COL5A2: variants seen among roughly 807,000 people sequenced by gnomAD.
COL5A2 encodes collagen alpha-2(V) chain.
COL5A2 carries 23 observed loss-of-function variants against 208.2 expected under a neutral mutation model. The ratio of observed to expected loss-of-function variants is 0.11; its 90% CI spans 0.08 to 0.16. COL5A2 has a LOEUF of 0.16. Ranked by LOEUF, COL5A2 falls within the 10% of genes least tolerant of loss-of-function variation. The pLI is 1.00. For synonymous variants in COL5A2, 625 were observed against 628.5 expected (o/e 0.99, Z 0.08); for missense variants, 1,590 against 1,956.4 (o/e 0.81, Z 3.53).
intron 32 of COL5A2, 46 bp downstream of exon 32, chr2:189,058,803 G>A (rs757543541): frequency 1.3e-6 from 2 of 1,560,712 alleles, no homozygotes; most frequent in African/African-American, 1.4e-5. Flanking sequence ...TTTTAAAACT[G>A]AAGCCAGTGG....
chr2:189,301,557 C>T, the COL5A2 span, among the ~76,000 whole-genome samples: 1 of 151,926 alleles, frequency 6.6e-6, no homozygotes, highest in African/African-American at 2.4e-5. Flanking sequence ...GATTGTTTGC[C>T]CAAATTTTAT....
chr2:189,400,193 T>C, the COL5A2 span, among the ~76,000 whole-genome samples: 3 of 152,228 alleles, frequency 2.0e-5, no homozygotes, highest in Non-Finnish European at 4.4e-5. Flanking sequence ...TCTGAGTCCT[T>C]TGCACTTCTC....
intron 1 of COL5A2, among the ~76,000 whole-genome samples, chr2:189,202,119 T>A (rs1452541898): frequency 6.6e-6 from 1 of 151,862 alleles, no homozygotes; most frequent in African/African-American, 2.4e-5. Context: ...AATATGTGTG[T>A]TAAAATACCT....
chr2:189,300,145 C>G, the COL5A2 span, among the ~76,000 whole-genome samples: 1 of 152,178 alleles, frequency 6.6e-6, no homozygotes, highest in Admixed American at 6.5e-5. Flanking sequence ...AGTAATAACA[C>G]TTACAGTCTT....
At chr2:189,434,332 T>C in the COL5A2 span, among the ~76,000 whole-genome samples, 1 of 151,994 alleles carries the variant, frequency 6.6e-6, no homozygotes, top group South Asian at 2.1e-4. Flanking sequence ...CTGGCCAGGG[T>C]AATCAGGCAA....
chr2:189,434,436 G>C, the COL5A2 span, among the ~76,000 whole-genome samples: 2 of 152,258 alleles, frequency 1.3e-5, no homozygotes, highest in East Asian at 1.9e-4. Context: ...AAACCCCATT[G>C]TCTCAGCCCA....
At chr2:189,437,653 C>T in the COL5A2 span, among the ~76,000 whole-genome samples, 1 of 151,956 alleles carries the variant, frequency 6.6e-6, no homozygotes, top group African/African-American at 2.4e-5. Flanking sequence ...CAGAGGTATA[C>T]AAGAGAGAAA....
chr2:189,139,539 G>A (rs896769102), intron 1 of COL5A2, among the ~76,000 whole-genome samples: 1 of 152,124 alleles, frequency 6.6e-6, no homozygotes, highest in Non-Finnish European at 1.5e-5. Flanking sequence ...GCAACTAAAT[G>A]TAATATGGGA....
At chr2:189,187,869 C>T (rs1244176595) in intron 1 of COL5A2, among the ~76,000 whole-genome samples, 2 of 150,664 alleles carry the variant, frequency 1.3e-5, no homozygotes, top group Admixed American at 6.7e-5. Context: ...CTCAGGAGGC[C>T]GAGGCAGGAG....
the COL5A2 span, among the ~76,000 whole-genome samples, chr2:189,414,579 G>A: frequency 7.4e-3 from 1,116 of 151,622 alleles, 15 homozygotes; most frequent in African/African-American, 0.025. Context: ...CAAAACCCCC[G>A]TCTCTACTAA....
the COL5A2 span, among the ~76,000 whole-genome samples, chr2:189,318,404 T>G: frequency 1.2e-4 from 18 of 152,240 alleles, no homozygotes; most frequent in Non-Finnish European, 2.1e-4. Flanking sequence ...TTGATTTCTA[T>G]GCCAGCCTTG....
At chr2:189,196,302 T>C (rs1448987933) in intron 1 of COL5A2, among the ~76,000 whole-genome samples, 2 of 151,068 alleles carry the variant, frequency 1.3e-5, no homozygotes, top group African/African-American at 4.9e-5. Context: ...TTATGTATTA[T>C]ATCTCTTTAT....
chr2:189,327,197 T>C, the COL5A2 span, among the ~76,000 whole-genome samples: 1 of 152,152 alleles, frequency 6.6e-6, no homozygotes, highest in African/African-American at 2.4e-5. Context: ...AGTCCTTATA[T>C]ATCTGACTAC....
the COL5A2 span, among the ~76,000 whole-genome samples, chr2:189,264,269 G>A: frequency 6.6e-6 from 1 of 152,090 alleles, no homozygotes; most frequent in Non-Finnish European, 1.5e-5. Context: ...TCTAAATAAT[G>A]GAAAACATTT....
At chr2:189,395,820 G>A in the COL5A2 span, among the ~76,000 whole-genome samples, 1 of 139,824 alleles carries the variant, frequency 7.2e-6, no homozygotes, top group African/African-American at 2.6e-5. Flanking sequence ...AGTGAGGCAG[G>A]TGAATCACTT....
At chr2:189,074,244 C>T (rs556781516) in intron 17 of COL5A2, among the ~76,000 whole-genome samples, 3 of 152,120 alleles carry the variant, frequency 2.0e-5, no homozygotes, top group East Asian at 3.9e-4. Context: ...CTAATTATTA[C>T]AGAAAAGAGC....
At chr2:189,051,509 G>A in intron 41 of COL5A2, 28 bp from the exon 42 acceptor site, 2 of 1,585,030 alleles carry the variant, frequency 1.3e-6, no homozygotes, top group East Asian at 2.2e-5. Flanking sequence ...GAAACACCAA[G>A]GAGGGCAAAA....
At chr2:189,174,437 C>G (rs776759656) in intron 1 of COL5A2, among the ~76,000 whole-genome samples, 2 of 152,224 alleles carry the variant, frequency 1.3e-5, no homozygotes, top group Non-Finnish European at 2.9e-5. Context: ...CAAACTTCAA[C>G]TAAGCAGCCT....
chr2:189,323,896 G>A, the COL5A2 span, among the ~76,000 whole-genome samples: 1 of 152,152 alleles, frequency 6.6e-6, no homozygotes, highest in Admixed American at 6.5e-5. Flanking sequence ...AAAGCTGGAG[G>A]CATCACGCTA....
Sources: allele counts gnomAD v4.1 joint callset (sites outside exome capture counted in the v4.1 genomes callset), GRCh38; gene constraint gnomAD v4.1.1; transcripts MANE v1.5; gene names NCBI Gene and HGNC (gene_info 2026-07-23, HGNC 2026-07-21).